Variants in ANKRD62 observed in about 807,000 individuals in gnomAD.
ANKRD62 encodes ankyrin repeat domain-containing protein 62.
In ANKRD62, 61 loss-of-function variants were observed where a neutral mutation model predicts 98.8. The ratio of observed to expected loss-of-function variants is 0.62; its 90% CI spans 0.50 to 0.76. ANKRD62 has a LOEUF of 0.76. Among genes scored for constraint, ANKRD62 ranks in the 30% least tolerant of loss-of-function variants. The pLI is 0.00. For synonymous variants in ANKRD62, 341 were observed against 367.9 expected (o/e 0.93, Z 0.84); for missense variants, 933 against 1,082.9 (o/e 0.86, Z 1.94).
the ANKRD62 span, among the ~76,000 whole-genome samples, chr18:12,179,295 C>T: frequency 2.9e-5 from 4 of 137,702 alleles, no homozygotes; most frequent in Non-Finnish European, 6.2e-5. Flanking sequence ...GAGGGAGGAA[C>T]GGTGGAGGGC....
At position 12,097,875 on chromosome 18, in the gene ANKRD62, G is replaced by A. The variant is rs186191663; in HGVS notation, c.752+98G>A. 497 of 1,433,010 alleles carry A rather than the reference G, an allele frequency of 3.5e-4. No homozygotes were observed. In the African/African-American group the frequency reaches 6.0e-3, roughly 17 times the overall value. 88.8% of individuals were successfully genotyped at this position (1,433,010 alleles called of 1,614,324 possible). A position where few individuals can be genotyped will look rare whatever the true frequency, so the allele number is the denominator to read the frequency against. On this transcript the variant is annotated intron_variant, in intron 5 of 13. Coordinates refer to ENST00000587848, the MANE Select transcript of ANKRD62 (RefSeq NM_001277333.2). The stretch of plus-strand genomic sequence containing the variant: ...AAGTGAGATTTCATAGTTTGGTTCA[G>A]GTAGTTTTGGAGTGGCAGTGAGTTA...
chr18:12,137,477 A>G, the ANKRD62 span, among the ~76,000 whole-genome samples: 1 of 152,140 alleles, frequency 6.6e-6, no homozygotes, highest in Admixed American at 6.5e-5. Context: ...TTTTTGCATC[A>G]ATGTTCATCA....
the ANKRD62 span, among the ~76,000 whole-genome samples, chr18:12,137,639 G>A: frequency 8.5e-5 from 13 of 152,288 alleles, no homozygotes; most frequent in African/African-American, 3.1e-4. Flanking sequence ...GCTCCTCCTT[G>A]TACCTCTGGT....
chr18:12,155,331 T>C, the ANKRD62 span, among the ~76,000 whole-genome samples: 2 of 152,244 alleles, frequency 1.3e-5, no homozygotes, highest in Admixed American at 6.5e-5. Flanking sequence ...AGTGGCTAAA[T>C]CACTGGGGAC....
chr18:12,127,838 C>A lies in ANKRD62; in HGVS notation c.2653C>A (p.Arg885Ser). 1 of 1,522,046 alleles carries A rather than the reference C, an allele frequency of 6.6e-7. No homozygotes were observed. Among genetic ancestry groups the A allele is most frequent in the Admixed American group, 2.1e-5 (1 of 48,414 alleles). 94.3% of individuals were successfully genotyped at this position (1,522,046 alleles called of 1,614,324 possible). Residue 885 changes from arginine to serine, a missense_variant, in exon 14 of 14, where the codon CGT becomes AGT. Arg to Ser is a moderately radical substitution (Grantham distance 110, BLOSUM62 -1). Around this residue, in one of 3 missense-constraint regions of ANKRD62, gnomAD observed 362 missense variants for 434.5 expected, o/e 0.83. Coordinates refer to ENST00000587848, the MANE Select transcript of ANKRD62 (RefSeq NM_001277333.2). ...TATGCTAGAGATTTCATCAGAACGT[C>A]GTATTAATTTAGAAGATGAGGCACA... ...EAMLEISSER[R>S]INLEDEAQSL...
chr18:12,126,915 T>A (rs1292110667), intron 13 of ANKRD62, among the ~76,000 whole-genome samples: 1 of 152,210 alleles, frequency 6.6e-6, no homozygotes, highest in Non-Finnish European at 1.5e-5. Context: ...GACTTAAATC[T>A]GAAAATAATT....
chr18:12,115,418 A>G lies in ANKRD62; in HGVS notation c.1124A>G (p.Asp375Gly), dbSNP rs1385862521. 1 of 1,535,520 alleles carries G rather than the reference A, an allele frequency of 6.5e-7. No homozygotes were observed. Among genetic ancestry groups the G allele is most frequent in the Non-Finnish European group, 8.7e-7 (1 of 1,146,126 alleles). Residue 375 changes from aspartate to glycine, a missense_variant, in exon 10 of 14, where the codon GAT becomes GGT. Coordinates refer to ENST00000587848, the MANE Select transcript of ANKRD62 (RefSeq NM_001277333.2). The part of the protein sequence containing the change: ...SKVKSQIYFT[D>G]DLNDISGSSE... ...GTTAAAAGCCAAATATATTTCACGGATGACCTTAATGACATAAGTGGGTCA... is the reference window on the plus strand; with the variant it reads ...GTTAAAAGCCAAATATATTTCACGGGTGACCTTAATGACATAAGTGGGTCA...
chr18:12,101,780 A>G (rs1348292698), intron 6 of ANKRD62, among the ~76,000 whole-genome samples: 1 of 152,212 alleles, frequency 6.6e-6, no homozygotes, highest in Non-Finnish European at 1.5e-5. Context: ...TCACCGCAAT[A>G]CAAAACTCAG....
At chr18:12,141,674 G>T in the ANKRD62 span, among the ~76,000 whole-genome samples, 2 of 109,038 alleles carry the variant, frequency 1.8e-5, no homozygotes, top group African/African-American at 3.7e-5. Context: ...GCTCTGTCTG[G>T]TTAAGAACTC....
chr18:12,159,531 T>C, the ANKRD62 span, among the ~76,000 whole-genome samples: 1 of 152,218 alleles, frequency 6.6e-6, no homozygotes, highest in Non-Finnish European at 1.5e-5. Flanking sequence ...AAATAACTAA[T>C]CTGCAAATTG....
the ANKRD62 span, among the ~76,000 whole-genome samples, chr18:12,174,376 T>C: frequency 6.6e-6 from 1 of 152,246 alleles, no homozygotes; most frequent in South Asian, 2.1e-4. Flanking sequence ...CTATACTGAC[T>C]ATTTTGTCTG....
chr18:12,176,691 C>T, the ANKRD62 span, among the ~76,000 whole-genome samples: 36 of 113,698 alleles, frequency 3.2e-4, 8 homozygotes, highest in African/African-American at 8.7e-4. Flanking sequence ...ACATTTTAAA[C>T]AAACTTGACC....
At chr18:12,119,569 G>T (rs2143925146) in intron 10 of ANKRD62, among the ~76,000 whole-genome samples, 1 of 152,106 alleles carries the variant, frequency 6.6e-6, no homozygotes, top group East Asian at 1.9e-4. Context: ...TCTCTGAGGT[G>T]TGTTGTGTAA....
In ANKRD62 at chr18:12,125,916, A is replaced by G. The variant is rs1909880258; in HGVS notation, c.2095A>G (p.Ile699Val). The change falls in exon 13 of 14, where the codon ATT becomes GTT. Residue 699 changes from isoleucine (I) to valine (V), a missense_variant. By Grantham distance (29) the Ile-to-Val change is conservative. Transcript: ENST00000587848. ...TTTACAAGAAGACACTAATTCTCACATTCAGATTCTTTCTCAGCAACTTTC... is the reference window on the plus strand; with the variant it reads ...TTTACAAGAAGACACTAATTCTCACGTTCAGATTCTTTCTCAGCAACTTTC... Reference protein sequence around the residue: ...CHLQEDTNSHIQILSQQLSKA... With the variant: ...CHLQEDTNSHVQILSQQLSKA... 3 of 1,539,870 alleles carry G rather than the reference A, an allele frequency of 1.9e-6. No individual in the cohort carries two copies. Among genetic ancestry groups the G allele is most frequent in the African/African-American group, 2.7e-5 (2 of 73,054 alleles).
the ANKRD62 span, among the ~76,000 whole-genome samples, chr18:12,151,277 G>A: frequency 6.6e-6 from 1 of 151,226 alleles, no homozygotes; most frequent in African/African-American, 2.4e-5. Context: ...TGAGCACCTA[G>A]GTTCATAAAG....
chr18:12,120,784 T>C (rs777603050), intron 10 of ANKRD62, among the ~76,000 whole-genome samples: 5 of 152,206 alleles, frequency 3.3e-5, no homozygotes, highest in Admixed American at 6.5e-5. Context: ...TTTTTATATG[T>C]AACTCTTTGC....
chr18:12,125,577 G>C lies in ANKRD62; in HGVS notation c.1756G>C (p.Glu586Gln). The C allele has an allele frequency of 6.5e-7, 1 of 1,528,388 alleles. No homozygotes were observed. The highest frequency in any genetic ancestry group is 8.7e-7 in the Non-Finnish European group (1 of 1,144,554). 94.7% of individuals were successfully genotyped at this position (1,528,388 alleles called of 1,614,324 possible). Reference sequence around the variant, plus strand: ...AATAAAACATCAGAACCAGGAAACTGAAAATAAATATTTCAAAGATATTGA... The same window carrying C: ...AATAAAACATCAGAACCAGGAAACTCAAAATAAATATTTCAAAGATATTGA... The part of the protein sequence containing the change: ...DTIKHQNQET[E>Q]NKYFKDIEII... The change falls in exon 13 of 14, where the codon GAA becomes CAA. Residue 586 changes from glutamate (E) to glutamine (Q), a missense_variant. Physicochemically the swap from Glu to Gln is conservative, Grantham distance 29. Transcript: ENST00000587848.
In ANKRD62 at chr18:12,097,720, G is replaced by A; in HGVS notation, c.695G>A (p.Cys232Tyr). The A allele has an allele frequency of 6.5e-7, 1 of 1,536,022 alleles. No homozygotes were observed. Among genetic ancestry groups the A allele is most frequent in the Non-Finnish European group, 8.7e-7 (1 of 1,146,792 alleles). Reference protein sequence around the residue: ...QLLQHNIDVFCQDISGWTAED... With the variant: ...QLLQHNIDVFYQDISGWTAED... ...CTTCAGCACAATATTGATGTCTTTT[G>A]CCAAGATATATCTGGATGGACTGCA... The change falls in exon 5 of 14, where the codon TGC (cysteine) becomes TAC (tyrosine). Residue 232 changes from cysteine to tyrosine, a missense_variant. This residue lies in a region of ANKRD62 where 549 missense variants were observed against 587.9 expected (regional missense o/e 0.93). Coordinates refer to ENST00000587848, the MANE Select transcript of ANKRD62 (RefSeq NM_001277333.2).
chr18:12,176,576 C>T, the ANKRD62 span, among the ~76,000 whole-genome samples: 2 of 122,776 alleles, frequency 1.6e-5, 1 homozygote, highest in African/African-American at 6.2e-5. Context: ...GAAGTAGCCC[C>T]CAGAAGGGTG....
Sources: allele counts gnomAD v4.1 joint callset (sites outside exome capture counted in the v4.1 genomes callset), GRCh38; gene constraint gnomAD v4.1.1; regional missense constraint gnomAD v4.1.1; transcripts MANE v1.5; gene names NCBI Gene and HGNC (gene_info 2026-07-23, HGNC 2026-07-21).